CHRM2: variants seen among roughly 807,000 people sequenced by gnomAD.
CHRM2 encodes the protein cholinergic receptor muscarinic 2.
In CHRM2, 8 loss-of-function variants were observed where a neutral mutation model predicts 25.0. That is an observed-to-expected ratio of 0.32 (90% CI 0.19 to 0.58). CHRM2 has a LOEUF of 0.58. Among genes scored for constraint, CHRM2 ranks in the 20% least tolerant of loss-of-function variants. The pLI is 0.88. For missense variants in CHRM2, 440 were observed against 567.1 expected, an observed-to-expected ratio of 0.78 and a Z score of 2.28; for synonymous variants, 202 against 205.7, an observed-to-expected ratio of 0.98 and a Z score of 0.15.
intron 2 of CHRM2, among the ~76,000 whole-genome samples, chr7:136,962,182 G>A (rs140368272): frequency 1.3e-5 from 2 of 151,242 alleles, no homozygotes; most frequent in East Asian, 1.9e-4. Flanking sequence ...TTGTCTAAAC[G>A]AGTGCAGTGG....
At chr7:136,958,291 A>T (rs1258778509) in intron 2 of CHRM2, among the ~76,000 whole-genome samples, 1 of 152,202 alleles carries the variant, frequency 6.6e-6, no homozygotes, top group Admixed American at 6.5e-5. Context: ...TGATAGCAGC[A>T]GCGAGGGCAG....
intron 2 of CHRM2, among the ~76,000 whole-genome samples, chr7:136,921,790 C>CTTTTTTTTTTTTTTTTTTTTTTTTTT (rs201063228): frequency 8.8e-5 from 10 of 114,054 alleles, no homozygotes; most frequent in Non-Finnish European, 1.8e-4. Context: ...TTCTTTCTTT[C>CTTTTTTTTTTTTTTTTTTTTTTTTTT]TTTCTTTTTT....
chr7:136,906,195 GTATA>G (rs113433622), intron 2 of CHRM2, among the ~76,000 whole-genome samples: 1 of 148,896 alleles, frequency 6.7e-6, no homozygotes, highest in Non-Finnish European at 1.5e-5. Flanking sequence ...ATGTATATAC[GTATA>G]TATATATACG....
chr7:137,014,075 C>G (rs1196988626), intron 3 of CHRM2, among the ~76,000 whole-genome samples: 1 of 151,932 alleles, frequency 6.6e-6, no homozygotes, highest in Admixed American at 6.6e-5. Context: ...TTCCAGAAAT[C>G]TCTTTATGCT....
chr7:136,916,149 AT>A (rs761750512), intron 2 of CHRM2, among the ~76,000 whole-genome samples: 9 of 94,010 alleles, frequency 9.6e-5, no homozygotes, highest in Non-Finnish European at 1.9e-4. Flanking sequence ...ACTTTCCTAT[AT>A]TTTGGTTTTC....
intron 2 of CHRM2, chr7:136,938,619 A>G: frequency 2.3e-6 from 2 of 870,444 alleles, no homozygotes; most frequent in Admixed American, 3.6e-5. Flanking sequence ...TCCACTCGGG[A>G]GAAGCTCGAG....
chr7:136,948,531 A>G (rs999268403), intron 2 of CHRM2, among the ~76,000 whole-genome samples: 1 of 152,184 alleles, frequency 6.6e-6, no homozygotes, highest in Non-Finnish European at 1.5e-5. Flanking sequence ...AAGTCAACCA[A>G]GCACTTAGCG....
At chr7:136,982,567 C>T (rs1433143622) in intron 2 of CHRM2, among the ~76,000 whole-genome samples, 1 of 152,170 alleles carries the variant, frequency 6.6e-6, no homozygotes, top group African/African-American at 2.4e-5. Context: ...TTTGTTTTTG[C>T]AGTGGCTGGT....
chr7:136,981,965 G>A (rs868065798), intron 2 of CHRM2, among the ~76,000 whole-genome samples: 1 of 151,984 alleles, frequency 6.6e-6, no homozygotes, highest in Non-Finnish European at 1.5e-5. Flanking sequence ...CTATTAGGTC[G>A]ACTTGGTCCA....
At chr7:136,875,067 G>GTA (rs1272091362) in intron 2 of CHRM2, among the ~76,000 whole-genome samples, 4 of 147,050 alleles carry the variant, frequency 2.7e-5, no homozygotes, top group African/African-American at 7.5e-5. Flanking sequence ...GTGTATGTGT[G>GTA]TATATATATA....
intron 2 of CHRM2, among the ~76,000 whole-genome samples, chr7:136,960,624 T>C (rs1023367679): frequency 6.6e-6 from 1 of 152,234 alleles, no homozygotes; most frequent in Non-Finnish European, 1.5e-5. Context: ...ACAACTTAAC[T>C]ATAAGTTGTA....
At chr7:136,885,789 C>T (rs1023338798) in intron 2 of CHRM2, among the ~76,000 whole-genome samples, 1 of 151,986 alleles carries the variant, frequency 6.6e-6, no homozygotes, top group African/African-American at 2.4e-5. Context: ...TTAGACTAAC[C>T]CAGCTGGATC....
chr7:136,963,916 C>A (rs886156589), intron 2 of CHRM2, among the ~76,000 whole-genome samples: 2 of 152,136 alleles, frequency 1.3e-5, no homozygotes, highest in East Asian at 3.9e-4. Flanking sequence ...ACAGAGACAC[C>A]CTTGTCTTTT....
At chr7:136,993,600 A>C (rs1584892341) in intron 3 of CHRM2, among the ~76,000 whole-genome samples, 1 of 152,064 alleles carries the variant, frequency 6.6e-6, no homozygotes, top group African/African-American at 2.4e-5. Context: ...AAAGCAAACA[A>C]CTCTAGCCCA....
chr7:136,877,770 C>T lies in CHRM2; in HGVS notation c.-125+8352C>T, dbSNP rs1004735511. Among the ~76,000 whole-genome samples the T allele has an allele frequency of 2.6e-5, 4 of 152,110 alleles. No homozygotes were observed. The East Asian group carries it at 7.7e-4, about 29-fold the overall frequency. ...ACTTTTCTTGATGTTATTGTTCACC[C>T]TTAGTCATGCTGATGATTCTTCTGT... On this transcript the variant is annotated intron_variant, in intron 2 of 3. Transcript: ENST00000680005.
intron 2 of CHRM2, among the ~76,000 whole-genome samples, chr7:136,977,714 C>T (rs1278790792): frequency 1.3e-5 from 2 of 152,110 alleles, no homozygotes; most frequent in South Asian, 4.1e-4. Context: ...TGCACAAATG[C>T]AAGGAGGTAA....
At chr7:136,929,129 A>AT (rs200315329) in intron 2 of CHRM2, among the ~76,000 whole-genome samples, 41 of 151,138 alleles carry the variant, frequency 2.7e-4, no homozygotes, top group African/African-American at 2.2e-4. Context: ...TGGTCATTTT[A>AT]TTTTTTTTTA....
chr7:136,994,262 A>C (rs1803425393), intron 3 of CHRM2, among the ~76,000 whole-genome samples: 1 of 152,184 alleles, frequency 6.6e-6, no homozygotes, highest in African/African-American at 2.4e-5. Flanking sequence ...GTGTTTCAGA[A>C]GAGTCAGTAA....
intron 2 of CHRM2, among the ~76,000 whole-genome samples, chr7:136,975,218 A>C (rs1328528331): frequency 1.3e-5 from 2 of 152,162 alleles, no homozygotes; most frequent in African/African-American, 4.8e-5. Flanking sequence ...AAGAAACAGC[A>C]ATTTTCCCAA....
Sources: gnomAD v4.1 joint callset for allele counts (sites outside exome capture counted in the v4.1 genomes callset) on GRCh38, gnomAD v4.1.1 for gene constraint, MANE v1.5 for transcripts, NCBI Gene and HGNC (gene_info 2026-07-23, HGNC 2026-07-21) for gene names.